MCF2L: variants seen among roughly 807,000 people sequenced by gnomAD.
MCF2L encodes guanine nucleotide exchange factor DBS.
In MCF2L, 97 loss-of-function variants were observed where a neutral mutation model predicts 153.4. The ratio of observed to expected loss-of-function variants is 0.63; its 90% CI spans 0.54 to 0.75. The LOEUF (loss-of-function observed/expected upper bound fraction) is 0.75, where lower values mean the gene tolerates loss of function less well. Ranked by LOEUF, MCF2L falls within the 30% of genes least tolerant of loss-of-function variation. MCF2L has a pLI of 0.00. For synonymous variants in MCF2L, 659 were observed against 632.2 expected (o/e 1.04, Z -0.64); for missense variants, 1,347 against 1,495.2 (o/e 0.90, Z 1.64).
intron 4 of MCF2L, among the ~76,000 whole-genome samples, chr13:113,051,616 A>G (rs2087335102): frequency 6.6e-6 from 1 of 152,150 alleles, no homozygotes; most frequent in South Asian, 2.1e-4. Context: ...TGCTCTCTCT[A>G]AAGACCTCGG....
Position 112,993,966 on chromosome 13 carries a change from T to C in MCF2L, c.80-20797T>C, listed in dbSNP as rs2083001108. Among the ~76,000 whole-genome samples, 1 of 150,130 alleles carries C rather than the reference T, an allele frequency of 6.7e-6. No homozygotes were observed. Among genetic ancestry groups the C allele is most frequent in the African/African-American group, 2.4e-5 (1 of 40,932 alleles). On this transcript the variant is annotated intron_variant, in intron 1 of 29. Transcript: ENST00000535094. The surrounding 1 kb of genome is among the most constrained non-coding windows in gnomAD (Gnocchi z 4.6). ...CAATCACAACAGCAGCAAACACACCTTCATTTTAAAGACAGCAGAGGAGGG... is the reference window on the plus strand; with the variant it reads ...CAATCACAACAGCAGCAAACACACCCTCATTTTAAAGACAGCAGAGGAGGG...
At chr13:113,069,747 T>G (rs2032679808) in intron 8 of MCF2L, among the ~76,000 whole-genome samples, 1 of 152,188 alleles carries the variant, frequency 6.6e-6, no homozygotes, top group Admixed American at 6.5e-5. Flanking sequence ...TTAAAAAAAG[T>G]TTTTAAACTT....
chr13:112,975,810 G>A (rs1323627789), intron 1 of MCF2L, among the ~76,000 whole-genome samples: 2 of 152,224 alleles, frequency 1.3e-5, no homozygotes, highest in African/African-American at 2.4e-5. Context: ...GCGGTCGCAC[G>A]GTGATAGAGG....
In MCF2L at chr13:113,081,593, G is replaced by A. The variant is rs533736390; in HGVS notation, c.1875+314G>A. Among the ~76,000 whole-genome samples, 81 of 152,356 alleles carry A rather than the reference G, an allele frequency of 5.3e-4. 1 individual carries two copies. The highest frequency in any genetic ancestry group is 9.6e-4 in the East Asian group (5 of 5,184). ...AGGCCACAGGGTGCCTGCGATTCCC[G>A]GCACGGGGCACTCCAGGGCAAGCAA... is the stretch of plus-strand genomic sequence containing the variant. On this transcript the variant is annotated intron_variant, in intron 16 of 29. Coordinates refer to ENST00000535094, the MANE Select transcript of MCF2L (RefSeq NM_001112732.3).
chr13:113,050,039 C>G (rs1051043797), intron 4 of MCF2L, among the ~76,000 whole-genome samples: 1 of 119,094 alleles, frequency 8.4e-6, no homozygotes, highest in African/African-American at 3.2e-5. Context: ...AGATGAGATC[C>G]TCTGAGAACT....
chr13:113,060,846 G>C, intron 5 of MCF2L, 134 bp downstream of exon 5: 6 of 1,248,572 alleles, frequency 4.8e-6, no homozygotes, highest in Non-Finnish European at 6.6e-6. Context: ...AGGACCTGGC[G>C]GGAAGTTGCA....
chr13:112,971,329 G>A (rs142003713), intron 1 of MCF2L, among the ~76,000 whole-genome samples: 23 of 152,292 alleles, frequency 1.5e-4, no homozygotes, highest in Non-Finnish European at 1.9e-4. Flanking sequence ...TCTTCAGCGG[G>A]AGGTCATGGA....
At chr13:113,044,701 G>A (rs757986722) in intron 3 of MCF2L, 54 of 1,612,666 alleles carry the variant, frequency 3.3e-5, no homozygotes, top group South Asian at 8.8e-5. Context: ...GTTATACAAC[G>A]CGCAAGTGTG....
chr13:113,025,834 T>C (rs1183838841), intron 3 of MCF2L, among the ~76,000 whole-genome samples: 94 of 144,376 alleles, frequency 6.5e-4, no homozygotes, highest in Middle Eastern at 3.7e-3. Flanking sequence ...GCAGAGTCTC[T>C]GTGAGGTTTC....
Position 113,045,703 on chromosome 13 carries a change from C to A in MCF2L, c.369+342C>A. The A allele has an allele frequency of 3.2e-6, 1 of 310,712 alleles. No homozygotes were observed. 19.2% of individuals were successfully genotyped at this position (310,712 alleles called of 1,614,324 possible). On this transcript the variant is annotated intron_variant, in intron 4 of 29. Coordinates refer to ENST00000535094, the MANE Select transcript of MCF2L (RefSeq NM_001112732.3). This position sits in a 1 kb window ranked among gnomAD's most constrained non-coding sequence, Gnocchi z 4.2. ...ATATTTATACATTAGTGATTTTCTC[C>A]TTTCCAAATCGGGCCATCTATCTTT...
chr13:112,934,362 T>C (rs574776664), intron 2 of MCF2L, among the ~76,000 whole-genome samples: 1 of 152,334 alleles, frequency 6.6e-6, no homozygotes, highest in South Asian at 2.1e-4. Flanking sequence ...TGCACATCTT[T>C]ATCCAGTGCC....
chr13:113,044,594 G>A, intron 3 of MCF2L: 8 of 1,552,108 alleles, frequency 5.2e-6, no homozygotes, highest in Admixed American at 1.9e-5. Flanking sequence ...TCACGCAATT[G>A]GCTTGGCTGC....
intron 12 of MCF2L, among the ~76,000 whole-genome samples, chr13:113,076,715 G>A (rs190222763): frequency 1.3e-5 from 2 of 152,402 alleles, no homozygotes; most frequent in Non-Finnish European, 2.9e-5. Flanking sequence ...TGTGGCATGG[G>A]TGTGTTCTTC....
Position 112,943,962 on chromosome 13 carries a change from G to A in MCF2L, c.169+41591G>A, listed in dbSNP as rs966931417. Among the ~76,000 whole-genome samples, 17 of 151,918 alleles carry A rather than the reference G, an allele frequency of 1.1e-4. No homozygotes were observed. Among genetic ancestry groups the A allele is most frequent in the African/African-American group, 3.9e-4 (16 of 41,466 alleles). On this transcript the variant is annotated intron_variant, in intron 2 of 29. Transcript: ENST00000375608. The surrounding 1 kb of genome is among the most constrained non-coding windows in gnomAD (Gnocchi z 4.2). ...CCCTGCGGGCCAGGGGCGCAGAGAG[G>A]GTCCCGGGCCGTGAGGGGAGGGTCC...
chr13:112,899,424 G>A (rs568087082), intron 1 of MCF2L, among the ~76,000 whole-genome samples: 102 of 152,272 alleles, frequency 6.7e-4, no homozygotes, highest in African/African-American at 2.3e-3. Flanking sequence ...GAGAACAGAC[G>A]TGAACAGGAC....
intron 3 of MCF2L, among the ~76,000 whole-genome samples, chr13:113,037,175 A>G (rs1166436220): frequency 2.6e-5 from 4 of 152,200 alleles, no homozygotes; most frequent in East Asian, 1.9e-4. Context: ...GAGCCCCACA[A>G]GCTGGCTGAA....
chr13:113,096,522 G>A, intron 28 of MCF2L, 28 bp from the exon 29 acceptor site: 1 of 1,586,704 alleles, frequency 6.3e-7, no homozygotes, highest in Non-Finnish European at 8.6e-7. Context: ...CCCCGCACGT[G>A]GCTGCCGCTG....
intron 11 of MCF2L, among the ~76,000 whole-genome samples, chr13:113,075,615 G>A (rs895054404): frequency 1.2e-4 from 19 of 152,138 alleles, no homozygotes; most frequent in South Asian, 8.3e-4. Context: ...GATTACAGGC[G>A]TGAGCCACCC....
At chr13:112,927,273 A>G (rs2081417478) in intron 2 of MCF2L, among the ~76,000 whole-genome samples, 1 of 152,246 alleles carries the variant, frequency 6.6e-6, no homozygotes, top group Non-Finnish European at 1.5e-5. Flanking sequence ...GTACTCTGGC[A>G]GAAATAGAGT....
Sources: allele counts gnomAD v4.1 joint callset (sites outside exome capture counted in the v4.1 genomes callset), GRCh38; gene constraint gnomAD v4.1.1; non-coding constraint Gnocchi (gnomAD v3.1); transcripts MANE v1.5; gene names NCBI Gene and HGNC (gene_info 2026-07-23, HGNC 2026-07-21).